The following POLN variants were observed in gnomAD, a reference collection of about 807,000 sequenced individuals.
The protein encoded by POLN is DNA polymerase N.
In POLN, 108 loss-of-function variants were observed where a neutral mutation model predicts 113.5. That is an observed-to-expected ratio of 0.95 (90% CI 0.81 to 1.12). The LOEUF (loss-of-function observed/expected upper bound fraction) is 1.12. POLN is among the 50% of genes most tolerant of loss of function. POLN has a pLI of 0.00. For missense variants in POLN, 1,097 were observed against 1,077.1 expected, an observed-to-expected ratio of 1.02 and a Z score of -0.26; for synonymous variants, 386 against 391.5, an observed-to-expected ratio of 0.99 and a Z score of 0.17.
rs1730704225 is a variant in POLN, at chr4:2,093,078, G to A, written c.2065+2773C>T. On this transcript the variant is annotated intron_variant, in intron 20 of 25. Transcript: ENST00000511885. The surrounding 1 kb of genome is among the most constrained non-coding windows in gnomAD (Gnocchi z 4.1). ...ATGACTCAGTGCTTATTTACAAAAT[G>A]TAGCTCTTTTCCTCTCCAGAAAAAA... Among the ~76,000 whole-genome samples, 1 of 151,814 alleles carries A rather than the reference G, an allele frequency of 6.6e-6. No homozygotes were observed. The highest frequency in any genetic ancestry group is 2.4e-5 in the African/African-American group (1 of 41,182).
intron 16 of POLN, among the ~76,000 whole-genome samples, chr4:2,153,886 T>C (rs1245360005): frequency 2.0e-5 from 3 of 151,760 alleles, no homozygotes; most frequent in Admixed American, 6.6e-5. Flanking sequence ...ACCCGGCTGT[T>C]ATTTGTATAA....
chr4:2,168,250 C>T (rs1191870450), intron 13 of POLN, among the ~76,000 whole-genome samples: 3 of 152,110 alleles, frequency 2.0e-5, no homozygotes, highest in East Asian at 1.9e-4. Flanking sequence ...GTTTCCCCGA[C>T]ATCAAACATG....
At chr4:2,117,239 A>T (rs763275353) in intron 19 of POLN, among the ~76,000 whole-genome samples, 1 of 152,198 alleles carries the variant, frequency 6.6e-6, no homozygotes, top group Non-Finnish European at 1.5e-5. Flanking sequence ...CGTCATTTCC[A>T]TTCACATCAC....
chr4:2,149,498 T>C (rs1732234952), intron 16 of POLN, among the ~76,000 whole-genome samples: 1 of 151,988 alleles, frequency 6.6e-6, no homozygotes, highest in Non-Finnish European at 1.5e-5. Context: ...AACAGGGAAA[T>C]GAGGGCATTG....
chr4:2,187,893 T>C (rs1733319072), intron 7 of POLN, among the ~76,000 whole-genome samples: 1 of 152,048 alleles, frequency 6.6e-6, no homozygotes, highest in Non-Finnish European at 1.5e-5. Flanking sequence ...GGAGGATTGC[T>C]TCAGGCTAGG....
intron 5 of POLN, among the ~76,000 whole-genome samples, chr4:2,204,109 C>CAAAAAAAAAAAAAA (rs566255148): frequency 7.5e-5 from 4 of 53,234 alleles, no homozygotes; most frequent in African/African-American, 1.6e-4. Context: ...AACTCTATCA[C>CAAAAAAAAAAAAAA]AAAAAAAAAA....
At chr4:2,218,546 G>A (rs1391755351) in intron 3 of POLN, among the ~76,000 whole-genome samples, 1 of 152,140 alleles carries the variant, frequency 6.6e-6, no homozygotes, top group African/African-American at 2.4e-5. Flanking sequence ...GTGGGCCCCA[G>A]AATATCTGTG....
rs1406600859 is a variant in POLN at position 2,128,141 on chromosome 4, C to A, written c.1954G>T (p.Asp652Tyr). The A allele has an allele frequency of 1.9e-6, 3 of 1,607,238 alleles. No individual in the cohort carries two copies. The highest frequency in any genetic ancestry group is 1.7e-5 in the Admixed American group (1 of 59,972). ...LKLFQESERD[D>Y]VFSTLTSQWK... ...TGTGAAGTCAGAGTAGAAAATACATCATCTCTTTCAGATTCCTGGAATAAC... is the reference window on the plus strand; with the variant it reads ...TGTGAAGTCAGAGTAGAAAATACATAATCTCTTTCAGATTCCTGGAATAAC... The change falls in exon 19 of 26, where the codon GAT becomes TAT. Residue 652 changes from aspartate to tyrosine, a missense_variant. Physicochemically the swap from Asp to Tyr is radical, Grantham distance 160. Transcript: ENST00000511885.
At chr4:2,176,059 A>G (rs536517076) in intron 9 of POLN, among the ~76,000 whole-genome samples, 85 of 152,226 alleles carry the variant, frequency 5.6e-4, no homozygotes, top group African/African-American at 2.0e-3. Flanking sequence ...AAATATTACA[A>G]TTGTTTTCAA....
intron 7 of POLN, among the ~76,000 whole-genome samples, chr4:2,192,410 G>A (rs1019358259): frequency 6.6e-6 from 1 of 151,870 alleles, no homozygotes; most frequent in African/African-American, 2.4e-5. Context: ...GAGTGCGGTG[G>A]CTCACTGCAA....
At chr4:2,118,932 T>C (rs1025870248) in intron 19 of POLN, among the ~76,000 whole-genome samples, 4 of 152,200 alleles carry the variant, frequency 2.6e-5, no homozygotes, top group Middle Eastern at 3.2e-3. Flanking sequence ...ACGTGCAGAC[T>C]CTTAAAGTCT....
At chr4:2,131,799 G>C (rs1158209569) in intron 16 of POLN, among the ~76,000 whole-genome samples, 1 of 152,102 alleles carries the variant, frequency 6.6e-6, no homozygotes, top group Non-Finnish European at 1.5e-5. Context: ...CAAACTCTTA[G>C]GGCCATCTGT....
intron 11 of POLN, among the ~76,000 whole-genome samples, chr4:2,171,442 T>C (rs1732859403): frequency 6.8e-6 from 1 of 146,314 alleles, no homozygotes; most frequent in Non-Finnish European, 1.5e-5. Context: ...ACACCTGTGG[T>C]CCTAGCTGCT....
chr4:2,222,156 T>A (rs1734274000), intron 3 of POLN, among the ~76,000 whole-genome samples: 1 of 151,638 alleles, frequency 6.6e-6, no homozygotes, highest in African/African-American at 2.4e-5. Flanking sequence ...TACTCAAGAT[T>A]TTTTTTTTCT....
intron 16 of POLN, among the ~76,000 whole-genome samples, chr4:2,145,655 C>T (rs6841536): frequency 0.079 from 11,950 of 152,134 alleles, 706 homozygotes; most frequent in African/African-American, 0.15. Context: ...ATACCAAGTG[C>T]GGTGGTCTGT....
intron 19 of POLN, among the ~76,000 whole-genome samples, chr4:2,124,075 G>T (rs550385815): frequency 6.6e-6 from 1 of 152,212 alleles, no homozygotes; most frequent in African/African-American, 2.4e-5. Context: ...ACTATGTTCA[G>T]CAAAAGAAGC....
chr4:2,168,105 A>C (rs916733230), intron 13 of POLN, among the ~76,000 whole-genome samples: 1 of 152,196 alleles, frequency 6.6e-6, no homozygotes, highest in African/African-American at 2.4e-5. Flanking sequence ...AGCATCCACT[A>C]TGTCCCAGGC....
chr4:2,157,818 C>A, intron 15 of POLN, 40 bp downstream of exon 15: 1 of 1,443,482 alleles, frequency 6.9e-7, no homozygotes, highest in South Asian at 1.2e-5. Flanking sequence ...ATACAAAAAC[C>A]ACAGTCCTAA....
At chr4:2,222,824 A>G (rs1734294713) in intron 3 of POLN, among the ~76,000 whole-genome samples, 1 of 150,748 alleles carries the variant, frequency 6.6e-6, no homozygotes, top group Non-Finnish European at 1.5e-5. Context: ...AGCTGCTCCC[A>G]CTAGTAAGCC....
Sources: gnomAD v4.1 joint callset for allele counts (sites outside exome capture counted in the v4.1 genomes callset) on GRCh38, gnomAD v4.1.1 for gene constraint, Gnocchi (gnomAD v3.1) non-coding constraint, MANE v1.5 for transcripts, NCBI Gene and HGNC (gene_info 2026-07-23, HGNC 2026-07-21) for gene names.